MYO3A: variants seen among roughly 807,000 people sequenced by gnomAD.
MYO3A encodes the protein myosin IIIA.
A neutral mutation model predicts 192.7 loss-of-function variants in MYO3A; 180 were observed. The observed-to-expected ratio is 0.93, with a 90% CI of 0.83 to 1.06. The LOEUF (loss-of-function observed/expected upper bound fraction) is 1.06. MYO3A is among the 50% of genes least tolerant of loss of function. The pLI, the probability that MYO3A is intolerant of heterozygous loss-of-function variation, is 0.00. For missense variants in MYO3A, 1,896 were observed against 1,905.0 expected, an observed-to-expected ratio of 1.00 and a Z score of 0.09; for synonymous variants, 628 against 645.3, an observed-to-expected ratio of 0.97 and a Z score of 0.41.
At chr10:26,051,173 G>A (rs1843974790) in intron 10 of MYO3A, among the ~76,000 whole-genome samples, 1 of 152,154 alleles carries the variant, frequency 6.6e-6, no homozygotes, top group Non-Finnish European at 1.5e-5. Flanking sequence ...AATAAGTGGA[G>A]CATTCATGAA....
intron 29 of MYO3A, 125 bp downstream of exon 29, chr10:26,170,664 A>T: frequency 9.7e-7 from 1 of 1,030,606 alleles, no homozygotes; most frequent in Non-Finnish European, 1.4e-6. Flanking sequence ...ATCAAATGTC[A>T]GTGAACACCC....
At chr10:26,153,720 G>T (rs1435812775) in intron 23 of MYO3A, 130 bp from the exon 24 acceptor site, 3 of 627,784 alleles carry the variant, frequency 4.8e-6, no homozygotes, top group South Asian at 2.0e-5. Context: ...TCCATAAATA[G>T]TTAACCAAGC....
chr10:26,128,664 A>G, intron 20 of MYO3A, 126 bp downstream of exon 20: 1 of 1,024,360 alleles, frequency 9.8e-7, no homozygotes, highest in Non-Finnish European at 1.4e-6. Context: ...AAAGATTTTT[A>G]TTATCTCCAC....
In MYO3A at chr10:26,125,551, T is replaced by A; in HGVS notation, c.2057T>A (p.Leu686His). 1 of 1,614,036 alleles carries A rather than the reference T, an allele frequency of 6.2e-7. No individual in the cohort carries two copies. Among genetic ancestry groups the A allele is most frequent in the Non-Finnish European group, 8.5e-7 (1 of 1,179,910 alleles). The change falls in exon 19 of 35, where the codon CTC (leucine) becomes CAC (histidine). Residue 686 changes from leucine (L) to histidine (H), a missense_variant. Leu to His is a moderately conservative substitution (Grantham distance 99). Coordinates refer to ENST00000642920, the MANE Select transcript of MYO3A (RefSeq NM_017433.5). ...ATGGCTAAAACTTTATATGGACGTC[T>A]CTTTAGTTGGATAGTCAATTGCATT... ...DAMAKTLYGR[L>H]FSWIVNCINS...
intron 33 of MYO3A, 36 bp from the exon 34 acceptor site, chr10:26,202,928 A>G (rs747102217): frequency 1.2e-6 from 2 of 1,610,108 alleles, no homozygotes; most frequent in African/African-American, 1.3e-5. Context: ...AGAAAATTAG[A>G]TTGATGCAAT....
chr10:26,067,364 G>C (rs1403525587), intron 11 of MYO3A, among the ~76,000 whole-genome samples: 2 of 152,078 alleles, frequency 1.3e-5, no homozygotes, highest in South Asian at 2.1e-4. Context: ...TGAGGTCCTC[G>C]CAGTGTAAGT....
chr10:26,042,788 T>G (rs573505770), intron 10 of MYO3A, among the ~76,000 whole-genome samples: 2 of 152,216 alleles, frequency 1.3e-5, no homozygotes, highest in African/African-American at 2.4e-5. Flanking sequence ...GTCACATACC[T>G]CTCTTTCTCC....
At chr10:26,019,451 G>A (rs112625945) in intron 7 of MYO3A, among the ~76,000 whole-genome samples, 77 of 151,972 alleles carry the variant, frequency 5.1e-4, no homozygotes, top group African/African-American at 1.9e-3. Context: ...GTAGAGACTG[G>A]AACTACAGGC....
intron 4 of MYO3A, among the ~76,000 whole-genome samples, chr10:25,978,360 A>C (rs966729492): frequency 1.3e-5 from 2 of 152,254 alleles, no homozygotes; most frequent in Non-Finnish European, 2.9e-5. Flanking sequence ...CAAACATGGC[A>C]GAAGGCAAGG....
intron 34 of MYO3A, among the ~76,000 whole-genome samples, chr10:26,209,868 G>T (rs1172301949): frequency 6.6e-6 from 1 of 152,186 alleles, no homozygotes; most frequent in South Asian, 2.1e-4. Flanking sequence ...GCTAAGGCAG[G>T]AGGATCACTT....
chr10:26,077,998 G>A (rs893645258), intron 14 of MYO3A, among the ~76,000 whole-genome samples: 10 of 152,046 alleles, frequency 6.6e-5, no homozygotes, highest in Non-Finnish European at 1.3e-4. Context: ...GTATTAGGGT[G>A]ATGCTGGTTT....
rs952988034 is a variant in MYO3A, at chr10:26,081,766, T to C, written c.1360-6437T>C. The stretch of plus-strand genomic sequence containing the variant: ...GCTTCCTCTACCCCTATATTGTGCT[T>C]GGCTCTCCAAATGGATTCAGTTCCG... On this transcript the variant is annotated intron_variant, in intron 14 of 34. Coordinates refer to ENST00000642920, the MANE Select transcript of MYO3A (RefSeq NM_017433.5). 2.6e-5 allele frequency among the ~76,000 whole-genome samples: 4 copies of C among 152,308 alleles called. No homozygotes were observed. The South Asian group carries it at 6.2e-4, about 24-fold the overall frequency.
chr10:26,198,806 A>C (rs1344149880), intron 32 of MYO3A, among the ~76,000 whole-genome samples: 1 of 152,182 alleles, frequency 6.6e-6, no homozygotes, highest in African/African-American at 2.4e-5. Flanking sequence ...TACGTGAGTC[A>C]TGTTTGTCTC....
At chr10:26,160,122 T>C (rs1589056161) in intron 26 of MYO3A, among the ~76,000 whole-genome samples, 1 of 152,320 alleles carries the variant, frequency 6.6e-6, no homozygotes, top group Non-Finnish European at 1.5e-5. Context: ...ATAGATATTA[T>C]GAGTGTAATA....
chr10:25,946,108 TA>T (rs910376885), intron 2 of MYO3A, among the ~76,000 whole-genome samples: 7 of 152,276 alleles, frequency 4.6e-5, no homozygotes, highest in African/African-American at 7.2e-5. Flanking sequence ...AAATTCAAGA[TA>T]AAAAAAGTGG....
chr10:26,045,366 TTAGATAGATAGATAGATAGATAGATAGA>T (rs3057671), intron 10 of MYO3A, among the ~76,000 whole-genome samples: 4 of 142,600 alleles, frequency 2.8e-5, no homozygotes, highest in Non-Finnish European at 6.3e-5. Context: ...ATGGGTGGCA[TTAGATAGATAGATAGATAGATAGATAGA>T]TAGATAGATA....
At chr10:26,102,637 G>A (rs1316760832) in intron 17 of MYO3A, among the ~76,000 whole-genome samples, 1 of 152,210 alleles carries the variant, frequency 6.6e-6, no homozygotes, top group South Asian at 2.1e-4. Context: ...ACCCTCAGCT[G>A]CAGGTCATTG....
intron 4 of MYO3A, among the ~76,000 whole-genome samples, chr10:25,960,683 C>T (rs1270815639): frequency 6.6e-6 from 1 of 152,132 alleles, no homozygotes; most frequent in Non-Finnish European, 1.5e-5. Context: ...TTGTCCTCAT[C>T]ATCTTCACAT....
rs559484526 is a variant in MYO3A, at chr10:26,160,522, G to C, written c.2999+3007G>C. On this transcript the variant is annotated intron_variant, in intron 26 of 34. Transcript: ENST00000642920. ...TAGCTGGGTGTGGTGGCTCATGCCT[G>C]TAGTCTTAGCTACTCAGGAGTCTGT... is the stretch of plus-strand genomic sequence containing the variant. Among the ~76,000 whole-genome samples the C allele has an allele frequency of 1.1e-4, 16 of 152,244 alleles. 1 individual carries two copies. The East Asian group carries it at 1.9e-3, about 18-fold the overall frequency.
Sources: allele counts gnomAD v4.1 joint callset (sites outside exome capture counted in the v4.1 genomes callset), GRCh38; gene constraint gnomAD v4.1.1; transcripts MANE v1.5; gene names NCBI Gene and HGNC (gene_info 2026-07-23, HGNC 2026-07-21).